ELP4: variants seen among roughly 807,000 people sequenced by gnomAD.
ELP4 encodes elongator complex protein 4.
A neutral mutation model predicts 48.9 loss-of-function variants in ELP4; 51 were observed. That is an observed-to-expected ratio of 1.04 (90% confidence interval 0.83 to 1.32). The LOEUF (loss-of-function observed/expected upper bound fraction) is 1.32. Among genes scored for constraint, ELP4 ranks in the 40% most tolerant of loss-of-function variants. The pLI, the probability that ELP4 is intolerant of heterozygous loss-of-function variation, is 0.00. For synonymous variants in ELP4, 210 were observed against 189.2 expected (o/e 1.11, Z -0.90); for missense variants, 519 against 514.6 (o/e 1.01, Z -0.08).
At chr11:31,740,369 C>G (rs920669767) in intron 9 of ELP4, among the ~76,000 whole-genome samples, 1 of 152,220 alleles carries the variant, frequency 6.6e-6, no homozygotes, top group Admixed American at 6.5e-5. Context: ...ATCATTTAAA[C>G]AACATAAGTC....
At position 31,786,540 on chromosome 11, in the gene ELP4, C is replaced by T. The variant is rs1948642135; in HGVS notation, c.*3016C>T. ...AGCCAAACATACAGAGAAGAAAAGG[C>T]TTTTTAAAATCTTACTAGTATGAGA... On this transcript the variant is annotated 3_prime_UTR_variant, in exon 10 of 10. Coordinates refer to ENST00000640961, the MANE Select transcript of ELP4 (RefSeq NM_019040.5). 4.4e-6 allele frequency: 1 copy of T among 224,842 alleles called. No homozygotes were observed. The highest frequency in any genetic ancestry group is 5.7e-5 in the Admixed American group (1 of 17,508). The allele number at this position is 224,842 out of a possible 1,614,324, so 13.9% of individuals were successfully genotyped here. A position where few individuals can be genotyped will look rare whatever the true frequency, so the allele number is the denominator to read the frequency against.
At chr11:31,602,283 C>G (rs1219811521) in intron 4 of ELP4, among the ~76,000 whole-genome samples, 1 of 151,912 alleles carries the variant, frequency 6.6e-6, no homozygotes, top group Admixed American at 6.6e-5. Flanking sequence ...GATTATAGGC[C>G]AAAGAACAGA....
At chr11:31,620,263 A>C (rs1050647191) in intron 5 of ELP4, among the ~76,000 whole-genome samples, 1 of 152,056 alleles carries the variant, frequency 6.6e-6, no homozygotes, top group African/African-American at 2.4e-5. Context: ...AATAGCAGTA[A>C]GTGTGACAAA....
chr11:31,585,654 C>T (rs1338800342), intron 3 of ELP4, among the ~76,000 whole-genome samples: 1 of 151,970 alleles, frequency 6.6e-6, no homozygotes, highest in Admixed American at 6.6e-5. Flanking sequence ...AATAAAATCA[C>T]AAAGATAAAA....
intron 2 of ELP4, among the ~76,000 whole-genome samples, chr11:31,537,262 A>G (rs1346218267): frequency 1.3e-5 from 2 of 152,320 alleles, no homozygotes; most frequent in South Asian, 2.1e-4. Flanking sequence ...CAGTTATTGC[A>G]GGACCATTTG....
At chr11:31,537,156 A>G (rs946971490) in intron 2 of ELP4, among the ~76,000 whole-genome samples, 2 of 152,202 alleles carry the variant, frequency 1.3e-5, no homozygotes, top group African/African-American at 4.8e-5. Flanking sequence ...TACTAGTACA[A>G]GAGGTAAGAT....
intron 9 of ELP4, among the ~76,000 whole-genome samples, chr11:31,755,380 A>G (rs1314651517): frequency 6.6e-6 from 1 of 152,230 alleles, no homozygotes; most frequent in Non-Finnish European, 1.5e-5. Context: ...GTACTTACAA[A>G]GTATAAGGTA....
intron 8 of ELP4, chr11:31,649,688 T>G (rs1945280654): frequency 6.5e-6 from 1 of 154,378 alleles, no homozygotes; most frequent in Non-Finnish European, 1.4e-5. Flanking sequence ...GCTTCACTGG[T>G]TATCAGTAAC....
intron 9 of ELP4, among the ~76,000 whole-genome samples, chr11:31,693,092 G>GTAGAC (rs1946315738): frequency 6.6e-6 from 1 of 152,108 alleles, no homozygotes. Context: ...AGCAAGGGAC[G>GTAGAC]TAGACTCTCC....
intron 2 of ELP4, among the ~76,000 whole-genome samples, chr11:31,529,672 A>G (rs911211288): frequency 6.6e-6 from 1 of 152,182 alleles, no homozygotes; most frequent in African/African-American, 2.4e-5. Context: ...CATTAAGACT[A>G]TTACCTGTTT....
chr11:31,532,171 A>G (rs1956405916), intron 2 of ELP4, among the ~76,000 whole-genome samples: 1 of 152,236 alleles, frequency 6.6e-6, no homozygotes, highest in African/African-American at 2.4e-5. Context: ...TAACTTAACG[A>G]ATTAGCATGT....
rs966870294 is a variant in ELP4, at chr11:31,562,459, C to G, written c.381+22676C>G. The stretch of plus-strand genomic sequence containing the variant: ...GTTAAAGAGAAATGTGATAGGGATC[C>G]ATGGAAAAGGATTGAGAACACTGTC... On this transcript the variant is annotated intron_variant, in intron 3 of 9. Coordinates refer to ENST00000640961, the MANE Select transcript of ELP4 (RefSeq NM_019040.5). Among the ~76,000 whole-genome samples the G allele has an allele frequency of 3.3e-5, 5 of 152,048 alleles. No individual in the cohort carries two copies. The South Asian group carries it at 1.0e-3, about 32-fold the overall frequency.
intron 3 of ELP4, among the ~76,000 whole-genome samples, chr11:31,546,134 A>G (rs181506144): frequency 5.9e-5 from 9 of 152,196 alleles, no homozygotes; most frequent in Admixed American, 5.2e-4. Context: ...ACACATAACA[A>G]TATTAACTTT....
chr11:31,558,096 G>T (rs1454786205), intron 3 of ELP4, among the ~76,000 whole-genome samples: 1 of 151,226 alleles, frequency 6.6e-6, no homozygotes, highest in Non-Finnish European at 1.5e-5. Flanking sequence ...CTACTCTGAA[G>T]TGTTAGTTGA....
chr11:31,588,597 A>G (rs1957515883), intron 3 of ELP4, among the ~76,000 whole-genome samples: 1 of 152,050 alleles, frequency 6.6e-6, no homozygotes, highest in Non-Finnish European at 1.5e-5. Flanking sequence ...TTAAATTATT[A>G]TTTTTTAAAA....
intron 9 of ELP4, among the ~76,000 whole-genome samples, chr11:31,686,567 A>C (rs1946166110): frequency 6.6e-6 from 1 of 152,124 alleles, no homozygotes; most frequent in Non-Finnish European, 1.5e-5. Context: ...AGAGATTACC[A>C]ATCAGATTTG....
intron 3 of ELP4, among the ~76,000 whole-genome samples, chr11:31,545,087 C>G (rs1025260290): frequency 1.3e-5 from 2 of 152,098 alleles, no homozygotes; most frequent in Admixed American, 1.3e-4. Flanking sequence ...CACCTCTCCT[C>G]CTCAAAAGGA....
chr11:31,743,077 C>CA (rs1947494914), intron 9 of ELP4, among the ~76,000 whole-genome samples: 3 of 151,656 alleles, frequency 2.0e-5, no homozygotes, highest in East Asian at 1.9e-4. Flanking sequence ...AAATGGAAAA[C>CA]AAAAAAAGGC....
chr11:31,776,014 G>A (rs1434159620), intron 9 of ELP4, among the ~76,000 whole-genome samples: 1 of 151,890 alleles, frequency 6.6e-6, no homozygotes, highest in African/African-American at 2.4e-5. Context: ...AGTTGGACTT[G>A]GTGGCATGCA....
Sources: gnomAD v4.1 joint callset for allele counts (sites outside exome capture counted in the v4.1 genomes callset) on GRCh38, gnomAD v4.1.1 for gene constraint, MANE v1.5 for transcripts, NCBI Gene and HGNC (gene_info 2026-07-23, HGNC 2026-07-21) for gene names.